OSBP2: variants seen among roughly 807,000 people sequenced by gnomAD.
OSBP2 encodes the protein oxysterol-binding protein 2.
Under a neutral mutation model 96.0 loss-of-function variants are expected in OSBP2, and 66 were observed. The ratio of observed to expected loss-of-function variants is 0.69; its 90% CI spans 0.56 to 0.84. The LOEUF is 0.84. OSBP2 is among the 40% of genes least tolerant of loss of function. OSBP2 has a pLI of 0.00. For synonymous variants in OSBP2, 525 were observed against 520.9 expected, an observed-to-expected ratio of 1.01 and a Z score of -0.11; for missense variants, 1,038 against 1,222.7, an observed-to-expected ratio of 0.85 and a Z score of 2.25.
At chr22:30,788,419 G>C (rs2090626538) in intron 2 of OSBP2, among the ~76,000 whole-genome samples, 1 of 152,126 alleles carries the variant, frequency 6.6e-6, no homozygotes, top group Non-Finnish European at 1.5e-5. Context: ...TTGCAACGTG[G>C]GGAGCTTTCA....
chr22:30,827,964 A>G (rs1013706281), intron 2 of OSBP2, among the ~76,000 whole-genome samples: 1 of 152,214 alleles, frequency 6.6e-6, no homozygotes, highest in Non-Finnish European at 1.5e-5. Context: ...CTGCACCCCC[A>G]GCATTTAACC....
intron 1 of OSBP2, among the ~76,000 whole-genome samples, chr22:30,696,676 C>G (rs945755727): frequency 1.3e-5 from 2 of 152,090 alleles, no homozygotes; most frequent in African/African-American, 4.8e-5. Context: ...GTTTTTGAGA[C>G]GGAGTATTGC....
chr22:30,779,291 G>A (rs1235214995), intron 2 of OSBP2, among the ~76,000 whole-genome samples: 7 of 146,956 alleles, frequency 4.8e-5, no homozygotes, highest in Non-Finnish European at 9.0e-5. Flanking sequence ...AGTAGAGACA[G>A]GGTTTTGCCA....
chr22:30,783,919 C>T (rs1705003052), intron 2 of OSBP2, among the ~76,000 whole-genome samples: 1 of 152,182 alleles, frequency 6.6e-6, no homozygotes, highest in African/African-American at 2.4e-5. Flanking sequence ...GGGAAATGCC[C>T]ATTGTAATCA....
chr22:30,802,955 C>T (rs1208803222), intron 2 of OSBP2: 2 of 153,686 alleles, frequency 1.3e-5, no homozygotes, highest in African/African-American at 2.4e-5. Context: ...AAGCGGCGCC[C>T]GCGGCAGGGA....
chr22:30,874,893 G>A (rs1037750417), intron 3 of OSBP2, among the ~76,000 whole-genome samples: 4 of 152,132 alleles, frequency 2.6e-5, no homozygotes, highest in Non-Finnish European at 5.9e-5. Flanking sequence ...CTGGGACCCC[G>A]GCTCCCAGGC....
chr22:30,745,326 C>T (rs544031884), intron 2 of OSBP2, among the ~76,000 whole-genome samples: 1 of 151,868 alleles, frequency 6.6e-6, no homozygotes, highest in African/African-American at 2.4e-5. Flanking sequence ...AGGTAAAGAA[C>T]AAACTAAACT....
intron 2 of OSBP2, among the ~76,000 whole-genome samples, chr22:30,790,170 A>C (rs2090652236): frequency 6.6e-6 from 1 of 152,044 alleles, no homozygotes; most frequent in Non-Finnish European, 1.5e-5. Context: ...TGGATGACGC[A>C]CAGGGCTTAT....
intron 2 of OSBP2, among the ~76,000 whole-genome samples, chr22:30,855,987 G>A (rs1161588974): frequency 6.6e-6 from 1 of 152,220 alleles, no homozygotes; most frequent in African/African-American, 2.4e-5. Context: ...GGGCCCCTGG[G>A]GAGTTGAGAG....
intron 2 of OSBP2, among the ~76,000 whole-genome samples, chr22:30,790,653 TAAAAA>T (rs136297): frequency 1.5e-5 from 2 of 136,966 alleles, no homozygotes; most frequent in Admixed American, 7.4e-5. Context: ...CAAACTGCAT[TAAAAA>T]AAAAAAAAAA....
intron 3 of OSBP2, among the ~76,000 whole-genome samples, chr22:30,887,001 G>A (rs1333795971): frequency 6.6e-6 from 1 of 152,172 alleles, no homozygotes; most frequent in Non-Finnish European, 1.5e-5. Flanking sequence ...GGGGCTGCTT[G>A]TTGCCCATTT....
chr22:30,735,410 CT>C (rs774749546), intron 1 of OSBP2, among the ~76,000 whole-genome samples: 1,219 of 100,608 alleles, frequency 0.012, 3 homozygotes, highest in African/African-American at 0.038. Flanking sequence ...TCTTCTCTCT[CT>C]TTTTTTTTTT....
At chr22:30,880,137 C>T (rs1226368133) in intron 3 of OSBP2, among the ~76,000 whole-genome samples, 2 of 152,178 alleles carry the variant, frequency 1.3e-5, no homozygotes, top group Non-Finnish European at 2.9e-5. Context: ...CCTGGCCATG[C>T]AGAGGGGTTC....
intron 2 of OSBP2, among the ~76,000 whole-genome samples, chr22:30,837,732 G>C (rs1044541598): frequency 6.6e-5 from 10 of 152,260 alleles, no homozygotes; most frequent in Middle Eastern, 3.4e-3. Context: ...CAAAGCCCAG[G>C]GTGCGACAGG....
intron 12 of OSBP2, chr22:30,902,641 G>C: frequency 1.6e-6 from 1 of 624,442 alleles, no homozygotes; most frequent in South Asian, 1.7e-5. Context: ...AACCGACAGA[G>C]GAGGGAAGAG....
chr22:30,835,368 C>T (rs1327306303), intron 2 of OSBP2, among the ~76,000 whole-genome samples: 3 of 152,072 alleles, frequency 2.0e-5, no homozygotes, highest in African/African-American at 7.2e-5. Context: ...GCTATCCCAG[C>T]ACCATTTGTT....
chr22:30,720,602 G>A (rs1255681705), intron 1 of OSBP2, among the ~76,000 whole-genome samples: 1 of 152,128 alleles, frequency 6.6e-6, no homozygotes, highest in African/African-American at 2.4e-5. Context: ...CAGTGTGGGA[G>A]GAAAACACTA....
intron 2 of OSBP2, among the ~76,000 whole-genome samples, chr22:30,866,386 C>T (rs527706061): frequency 3.5e-4 from 53 of 152,310 alleles, no homozygotes; most frequent in African/African-American, 1.2e-3. Flanking sequence ...CCAGAGTGAA[C>T]GCAGCCCTGC....
At chr22:30,850,562 T>C (rs561884523) in intron 2 of OSBP2, among the ~76,000 whole-genome samples, 149 of 152,212 alleles carry the variant, frequency 9.8e-4, no homozygotes, top group African/African-American at 3.4e-3. Context: ...TGCAGTGGTG[T>C]GATCTCCGCT....
Sources: gnomAD v4.1 joint callset for allele counts (sites outside exome capture counted in the v4.1 genomes callset) on GRCh38, gnomAD v4.1.1 for gene constraint, MANE v1.5 for transcripts, NCBI Gene and HGNC (gene_info 2026-07-23, HGNC 2026-07-21) for gene names.